The following LMO7 variants were observed in gnomAD, a reference collection of about 807,000 sequenced individuals.
The protein encoded by LMO7 is LIM domain 7, also known as LIM domain only protein 7.
Under a neutral mutation model 206.5 loss-of-function variants are expected in LMO7, and 120 were observed. The observed-to-expected ratio is 0.58, with a 90% CI of 0.50 to 0.68. LMO7 has a LOEUF of 0.68. Among genes scored for constraint, LMO7 ranks in the 30% least tolerant of loss-of-function variants. The pLI is 0.00. For synonymous variants in LMO7, 706 were observed against 681.5 expected, an observed-to-expected ratio of 1.04 and a Z score of -0.56; for missense variants, 1,959 against 1,957.9, an observed-to-expected ratio of 1.00 and a Z score of -0.01.
At chr13:75,770,859 G>A (rs1338250353) in intron 4 of LMO7, among the ~76,000 whole-genome samples, 1 of 152,136 alleles carries the variant, frequency 6.6e-6, no homozygotes, top group East Asian at 1.9e-4. Flanking sequence ...GCAGAGAAGA[G>A]TAAGTTGCTT....
At chr13:75,699,205 C>T (rs1255259232) in intron 1 of LMO7, among the ~76,000 whole-genome samples, 1 of 152,152 alleles carries the variant, frequency 6.6e-6, no homozygotes, top group Admixed American at 6.6e-5. Flanking sequence ...CCAGTAGGTG[C>T]CTGAAACTGA....
At chr13:75,621,707 G>C in exon 1 of LMO7, 1 of 1,590,892 alleles carries the variant, frequency 6.3e-7, no homozygotes, top group Non-Finnish European at 8.6e-7. Context: ...AAGAAAATTA[G>C]GATATGCCAT....
intron 1 of LMO7, among the ~76,000 whole-genome samples, chr13:75,665,421 A>G (rs2038989863): frequency 6.6e-6 from 1 of 152,116 alleles, no homozygotes; most frequent in African/African-American, 2.4e-5. Context: ...ATATGGGAAA[A>G]GAATAGATTT....
intron 27 of LMO7, among the ~76,000 whole-genome samples, chr13:75,852,696 A>G (rs899907760): frequency 2.6e-5 from 4 of 152,192 alleles, no homozygotes; most frequent in Non-Finnish European, 4.4e-5. Context: ...TACCTGTATG[A>G]CCAGTCTGTT....
intron 3 of LMO7, among the ~76,000 whole-genome samples, chr13:75,731,880 C>T (rs538909284): frequency 3.9e-5 from 6 of 151,966 alleles, no homozygotes; most frequent in Admixed American, 3.3e-4. Flanking sequence ...ATTTCTCCTT[C>T]GCTTATGAAG....
intron 1 of LMO7, among the ~76,000 whole-genome samples, chr13:75,655,937 T>G (rs2038030207): frequency 6.6e-6 from 1 of 152,060 alleles, no homozygotes; most frequent in South Asian, 2.1e-4. Flanking sequence ...GTGGTTTCTA[T>G]CCATGTGGCA....
chr13:75,733,426 G>T (rs539666790), intron 3 of LMO7, among the ~76,000 whole-genome samples: 2 of 152,344 alleles, frequency 1.3e-5, no homozygotes, highest in South Asian at 2.1e-4. Context: ...AGGACCCTCC[G>T]AGCCAGGTGT....
rs78239993 is a variant in LMO7, at chr13:75,640,012, C to T, written c.69+3286C>T. Among the ~76,000 whole-genome samples, 148 of 152,252 alleles carry T rather than the reference C, an allele frequency of 9.7e-4. 1 individual carries two copies. Among genetic ancestry groups the T allele is most frequent in the African/African-American group, 3.5e-3 (144 of 41,560 alleles). ...TCCACCTGCCCCAAGTTTTATCCTTCGGGGATGTGCTGTTCACCACCTTTT... is the reference window on the plus strand; with the variant it reads ...TCCACCTGCCCCAAGTTTTATCCTTTGGGGATGTGCTGTTCACCACCTTTT... On this transcript the variant is annotated intron_variant, in intron 1 of 30. Transcript: ENST00000377534.
At chr13:75,684,823 A>G (rs752510184) in intron 1 of LMO7, among the ~76,000 whole-genome samples, 2 of 140,398 alleles carry the variant, frequency 1.4e-5, no homozygotes, top group Non-Finnish European at 3.1e-5. Flanking sequence ...GTATATACAT[A>G]TATACACACA....
chr13:75,706,811 CTT>C (rs2042693571), intron 1 of LMO7, among the ~76,000 whole-genome samples: 1 of 152,030 alleles, frequency 6.6e-6, no homozygotes, highest in Admixed American at 6.6e-5. Context: ...CCTAAAAATA[CTT>C]TAGAGTCTAA....
intron 1 of LMO7, among the ~76,000 whole-genome samples, chr13:75,664,947 C>A (rs9600520): frequency 0.23 from 34,860 of 151,896 alleles, 4,418 homozygotes; most frequent in Admixed American, 0.36. Context: ...TTCTGTAGCA[C>A]ACTTGGTATG....
intron 1 of LMO7, among the ~76,000 whole-genome samples, chr13:75,657,160 A>G (rs985807399): frequency 6.6e-6 from 1 of 152,178 alleles, no homozygotes; most frequent in Non-Finnish European, 1.5e-5. Flanking sequence ...CCAGCAAACC[A>G]CCAGCCTGTG....
intron 1 of LMO7, among the ~76,000 whole-genome samples, chr13:75,663,663 C>G (rs1689465346): frequency 6.6e-6 from 1 of 152,006 alleles, no homozygotes; most frequent in Non-Finnish European, 1.5e-5. Flanking sequence ...ATCTCATGAC[C>G]TTGTGATCCA....
chr13:75,650,342 A>T (rs1000766593), intron 1 of LMO7, among the ~76,000 whole-genome samples: 1 of 151,794 alleles, frequency 6.6e-6, no homozygotes, highest in East Asian at 1.9e-4. Context: ...GTTGGCCAGG[A>T]TGGTCTTGAT....
At position 75,823,635 on chromosome 13, in the gene LMO7, C is replaced by T. The variant is rs147546485; in HGVS notation, c.2711C>T (p.Thr904Ile). ...IKRTPNNVVS[T>I]PAPSPDASQL... ...AGAACTCCAAACAATGTGGTCAGCA[C>T]CCCTGCACCAAGCCCGGACGCAAGC... Residue 904 changes from threonine (T) to isoleucine (I), a missense_variant, in exon 15 of 31, where the codon ACC becomes ATC. By Grantham distance (89) the Thr-to-Ile change is moderately conservative (BLOSUM62 -1). Transcript: ENST00000377534. 5.2e-4 allele frequency: 839 copies of T among 1,614,094 alleles called. 3 individuals are homozygous for T. In the African/African-American group the frequency reaches 9.5e-3, roughly 18 times the overall value.
intron 13 of LMO7, among the ~76,000 whole-genome samples, chr13:75,820,001 T>C (rs746220872): frequency 6.6e-6 from 1 of 152,246 alleles, no homozygotes; most frequent in Non-Finnish European, 1.5e-5. Flanking sequence ...GTGTGTGTTT[T>C]ACTTACTCTT....
In LMO7 at chr13:75,835,154, T is replaced by G. The variant is rs373547478; in HGVS notation, c.3227-79T>G. 47 of 1,579,768 alleles carry G rather than the reference T, an allele frequency of 3.0e-5. No individual in the cohort carries two copies. The South Asian group carries it at 4.8e-4, about 16-fold the overall frequency. ...TTTGATCTTCATGTGCCAATCAGAC[T>G]GGGGCAAAGACCAACCTTCCCTGCC... is the stretch of plus-strand genomic sequence containing the variant. On this transcript the variant is annotated intron_variant, in intron 17 of 30. Coordinates refer to ENST00000377534, the MANE Select transcript of LMO7 (RefSeq NM_001306080.2).
At chr13:75,689,756 C>T (rs1054129215) in intron 1 of LMO7, among the ~76,000 whole-genome samples, 16 of 152,200 alleles carry the variant, frequency 1.1e-4, no homozygotes, top group Non-Finnish European at 1.6e-4. Context: ...CCTACACCAG[C>T]GGTTTGCCAT....
At chr13:75,838,228 T>C (rs1238837936) in intron 20 of LMO7, 32 bp downstream of exon 20, 2 of 1,580,686 alleles carry the variant, frequency 1.3e-6, no homozygotes, top group East Asian at 4.5e-5. Flanking sequence ...TCATGCACTT[T>C]CATGGAATTG....
Sources: allele counts gnomAD v4.1 joint callset (sites outside exome capture counted in the v4.1 genomes callset), GRCh38; gene constraint gnomAD v4.1.1; transcripts MANE v1.5; gene names NCBI Gene and HGNC (gene_info 2026-07-23, HGNC 2026-07-21).